The following SS18 variants were observed in gnomAD, a reference collection of about 807,000 sequenced individuals.
The protein encoded by SS18 is protein SSXT.
In SS18, 28 loss-of-function variants were observed where a neutral mutation model predicts 72.5. That is an observed-to-expected ratio of 0.39 (90% CI 0.29 to 0.53). The LOEUF (loss-of-function observed/expected upper bound fraction) is 0.53. Ranked by LOEUF, SS18 falls within the 20% of genes least tolerant of loss-of-function variation. The pLI is 0.76. For synonymous variants in SS18, 172 were observed against 164.2 expected (o/e 1.05, Z -0.37); for missense variants, 518 against 535.3 (o/e 0.97, Z 0.32).
chr18:26,071,021 C>G (rs1388346912), intron 3 of SS18, among the ~76,000 whole-genome samples: 1 of 151,574 alleles, frequency 6.6e-6, no homozygotes, highest in Non-Finnish European at 1.5e-5. Flanking sequence ...CAGATTAGGC[C>G]CAGTGAAAAA....
intron 10 of SS18, among the ~76,000 whole-genome samples, chr18:26,023,277 CAATT>C (rs1172009430): frequency 6.6e-6 from 1 of 152,042 alleles, no homozygotes; most frequent in Non-Finnish European, 1.5e-5. Flanking sequence ...ATGTTCAAAA[CAATT>C]AAGGACAGAC....
chr18:26,083,520 G>A (rs2054566027), intron 2 of SS18, among the ~76,000 whole-genome samples: 1 of 152,108 alleles, frequency 6.6e-6, no homozygotes, highest in South Asian at 2.1e-4. Context: ...TACACACCTA[G>A]GCTATACAGT....
intron 2 of SS18, among the ~76,000 whole-genome samples, chr18:26,086,416 CAAAGA>C (rs1167502212): frequency 3.3e-5 from 5 of 151,966 alleles, no homozygotes; most frequent in African/African-American, 1.2e-4. Flanking sequence ...TTTAGAACAA[CAAAGA>C]AAAGAATGCA....
chr18:26,021,772 C>A (rs1053527520), intron 10 of SS18, among the ~76,000 whole-genome samples: 1 of 152,192 alleles, frequency 6.6e-6, no homozygotes, highest in African/African-American at 2.4e-5. Context: ...ACTTGGCAAT[C>A]TAGCTTGGTG....
At chr18:26,027,911 CACATGATCCCAAAA>C (rs2053479506) in intron 10 of SS18, among the ~76,000 whole-genome samples, 1 of 151,836 alleles carries the variant, frequency 6.6e-6, no homozygotes, top group East Asian at 1.9e-4. Context: ...AGATTTCTTA[CACATGATCCCAAAA>C]GCATAATCCA....
chr18:26,019,267 T>A (rs2053302364), intron 10 of SS18, among the ~76,000 whole-genome samples: 1 of 152,200 alleles, frequency 6.6e-6, no homozygotes, highest in Non-Finnish European at 1.5e-5. Flanking sequence ...TTAAAACAGA[T>A]GTTCATAAAA....
At chr18:26,039,229 C>A in intron 6 of SS18, 60 bp downstream of exon 6, 18 of 738,086 alleles carry the variant, frequency 2.4e-5, no homozygotes, top group East Asian at 8.9e-5. Context: ...ATTAAAAGGT[C>A]ATTAAAATTT....
Position 26,090,563 on chromosome 18 carries a change from C to G in SS18, c.7G>C (p.Val3Leu). MS[V>L]AFAAPRQRGK... ...CGCTGCCTCGGGGCCGCGAAAGCCACAGACATGTTGCCGCCGTCACCACTA... is the reference window on the plus strand; with the variant it reads ...CGCTGCCTCGGGGCCGCGAAAGCCAGAGACATGTTGCCGCCGTCACCACTA... The change falls in exon 1 of 11, where the codon GTG (valine) becomes CTG (leucine). Residue 3 changes from valine (V) to leucine (L), a missense_variant. Val to Leu is a conservative substitution (Grantham distance 32, BLOSUM62 1). Coordinates refer to ENST00000415083, the MANE Select transcript of SS18 (RefSeq NM_001007559.3). 1 of 1,584,656 alleles carries G rather than the reference C, an allele frequency of 6.3e-7. No homozygotes were observed. The highest frequency in any genetic ancestry group is 8.6e-7 in the Non-Finnish European group (1 of 1,166,192).
chr18:26,055,005 C>G (rs1324523228), intron 4 of SS18, among the ~76,000 whole-genome samples: 1 of 151,926 alleles, frequency 6.6e-6, no homozygotes, highest in Non-Finnish European at 1.5e-5. Flanking sequence ...TCCCAAAGTG[C>G]TGGGATTACA....
At chr18:26,030,307 T>C (rs181776515) in intron 10 of SS18, among the ~76,000 whole-genome samples, 1 of 152,320 alleles carries the variant, frequency 6.6e-6, no homozygotes, top group African/African-American at 2.4e-5. Flanking sequence ...ATCATCCACA[T>C]CTACCTGGCT....
intron 2 of SS18, among the ~76,000 whole-genome samples, chr18:26,084,748 T>C (rs1313338983): frequency 1.3e-5 from 2 of 152,162 alleles, no homozygotes; most frequent in African/African-American, 4.8e-5. Flanking sequence ...GTCTATACTA[T>C]TCAATAATGT....
intron 5 of SS18, among the ~76,000 whole-genome samples, chr18:26,048,330 A>C (rs1226847946): frequency 1.3e-5 from 2 of 152,248 alleles, no homozygotes; most frequent in Non-Finnish European, 2.9e-5. Context: ...AAGTATTTGT[A>C]AAAGACTAGA....
chr18:26,076,108 A>G (rs1469727429), intron 3 of SS18, among the ~76,000 whole-genome samples: 2 of 151,958 alleles, frequency 1.3e-5, no homozygotes, highest in East Asian at 3.8e-4. Flanking sequence ...CACGATTTGG[A>G]AAACTCAATT....
At chr18:26,056,107 C>A (rs12962613) in intron 4 of SS18, among the ~76,000 whole-genome samples, 5,310 of 152,164 alleles carry the variant, frequency 0.035, 134 homozygotes, top group East Asian at 0.13. Flanking sequence ...TTCTGAACAA[C>A]CCAGGTCATA....
At chr18:26,090,969 A>G (rs2054718333), upstream of SS18, 1 of 261,122 alleles carries the variant, frequency 3.8e-6, no homozygotes, top group African/African-American at 2.3e-5. Context: ...GAGCGGCCCA[A>G]GCCGGCCCGC....
At chr18:26,023,624 C>T in intron 10 of SS18, 1 of 530,260 alleles carries the variant, frequency 1.9e-6, no homozygotes, top group Admixed American at 2.3e-5. Context: ...AAACTGTCCA[C>T]CTAGAATTCT....
chr18:26,085,756 C>T (rs2054604543), intron 2 of SS18, among the ~76,000 whole-genome samples: 1 of 151,928 alleles, frequency 6.6e-6, no homozygotes, highest in Admixed American at 6.6e-5. Flanking sequence ...TTATGATAAC[C>T]ATATATGACT....
In SS18 at chr18:26,035,678, A is replaced by C. The variant is rs1393165562; in HGVS notation, c.973+153T>G. ...CATTTTAAATATTTGTAAGGAAATT[A>C]TTTTGATTGTTTTGGGCTCCCTGCA... On this transcript the variant is annotated intron_variant, in intron 8 of 10. Coordinates refer to ENST00000415083, the MANE Select transcript of SS18 (RefSeq NM_001007559.3). The surrounding 1 kb of genome is among the most constrained non-coding windows in gnomAD (Gnocchi z 4.4). The C allele has an allele frequency of 4.6e-6, 2 of 430,490 alleles. No individual in the cohort carries two copies. Among genetic ancestry groups the C allele is most frequent in the Non-Finnish European group, 8.2e-6 (2 of 244,394 alleles). The allele number at this position is 430,490 out of a possible 1,614,324, so 26.7% of individuals were successfully genotyped here. A position where few individuals can be genotyped will look rare whatever the true frequency, so the allele number is the denominator to read the frequency against.
intron 3 of SS18, among the ~76,000 whole-genome samples, chr18:26,066,151 T>G (rs1419949919): frequency 6.6e-6 from 1 of 152,074 alleles, no homozygotes; most frequent in East Asian, 1.9e-4. Context: ...TGTAATGATT[T>G]AAGGTATGTC....
Sources: allele counts gnomAD v4.1 joint callset (sites outside exome capture counted in the v4.1 genomes callset), GRCh38; gene constraint gnomAD v4.1.1; non-coding constraint Gnocchi (gnomAD v3.1); transcripts MANE v1.5; gene names NCBI Gene and HGNC (gene_info 2026-07-23, HGNC 2026-07-21).